Variants in SAMD4A observed in about 807,000 individuals in gnomAD.
SAMD4A encodes sterile alpha motif domain containing 4A.
A neutral mutation model predicts 81.3 loss-of-function variants in SAMD4A; 33 were observed. That is an observed-to-expected ratio of 0.41 (90% CI 0.31 to 0.54). SAMD4A has a LOEUF of 0.54. Ranked by LOEUF, SAMD4A falls within the 20% of genes least tolerant of loss-of-function variation. The pLI, the probability that SAMD4A is intolerant of heterozygous loss-of-function variation, is 0.37. For synonymous variants in SAMD4A, 389 were observed against 382.1 expected (o/e 1.02, Z -0.21); for missense variants, 854 against 951.1 (o/e 0.90, Z 1.34).
At chr14:54,677,398 C>T (rs1345172559) in intron 2 of SAMD4A, among the ~76,000 whole-genome samples, 2 of 152,176 alleles carry the variant, frequency 1.3e-5, no homozygotes, top group East Asian at 1.9e-4. Flanking sequence ...AACTCCTCCA[C>T]GCACATAGTA....
rs559616432 is a variant in SAMD4A at position 54,780,644 on chromosome 14, A to G, written c.2045-3893A>G. Among the ~76,000 whole-genome samples, 57 of 152,350 alleles carry G rather than the reference A, an allele frequency of 3.7e-4. No homozygotes were observed. In the Middle Eastern group the frequency reaches 0.01, roughly 27 times the overall value. On this transcript the variant is annotated intron_variant, in intron 11 of 12. Transcript: ENST00000554335. ...AAATAAATCAATTCTGTCATAGCCA[A>G]GAACCCAGCTGGGCCCACAGCCTCC...
intron 2 of SAMD4A, among the ~76,000 whole-genome samples, chr14:54,677,675 T>A (rs866796322): frequency 1.4e-4 from 22 of 152,352 alleles, no homozygotes; most frequent in Admixed American, 2.0e-4. Flanking sequence ...GTTTGCTTGA[T>A]GAAATGAAGA....
chr14:54,587,677 G>A (rs1211217081), intron 2 of SAMD4A, among the ~76,000 whole-genome samples: 1 of 152,124 alleles, frequency 6.6e-6, no homozygotes, highest in Non-Finnish European at 1.5e-5. Context: ...CTGCTTATGT[G>A]GTATATCACA....
At chr14:54,668,525 G>GC (rs1244235236) in intron 2 of SAMD4A, among the ~76,000 whole-genome samples, 1 of 152,180 alleles carries the variant, frequency 6.6e-6, no homozygotes, top group African/African-American at 2.4e-5. Flanking sequence ...TTCCCCAAAT[G>GC]CCAGACTGGT....
intron 2 of SAMD4A, among the ~76,000 whole-genome samples, chr14:54,618,408 A>C (rs1259093990): frequency 1.3e-5 from 2 of 152,184 alleles, no homozygotes; most frequent in Non-Finnish European, 2.9e-5. Flanking sequence ...GAGATAATAA[A>C]TTTACAGTTC....
chr14:54,702,654 G>A (rs2036749495), intron 3 of SAMD4A, 74 bp downstream of exon 3: 1 of 1,522,386 alleles, frequency 6.6e-7, no homozygotes, highest in Admixed American at 1.7e-5. Flanking sequence ...CCTGCTGACA[G>A]TGTCTGCTCC....
At position 54,792,400 on chromosome 14, in the gene SAMD4A, CT is replaced by C. The variant is rs1463527862; in HGVS notation, c.*3458del. 6.6e-6 allele frequency: 1 copy of C among 152,222 alleles called. No individual in the cohort carries two copies. The highest frequency in any genetic ancestry group is 2.4e-5 in the African/African-American group (1 of 41,440). The allele number at this position is 152,222 out of a possible 1,614,324, so 9.4% of individuals were successfully genotyped here. On this transcript the variant is annotated 3_prime_UTR_variant, in exon 13 of 13. Transcript: ENST00000554335. ...TGGCTGCCTTTTACGGGATGGGAGC[CT>C]TCTCCGGATCTTTTGTTCTTCTGCA...
rs187119563 is a variant in SAMD4A, at chr14:54,729,694, A to G, written c.716-7330A>G. Among the ~76,000 whole-genome samples the G allele has an allele frequency of 1.4e-3, 217 of 152,368 alleles. 1 individual carries two copies. Among genetic ancestry groups the G allele is most frequent in the African/African-American group, 5.0e-3 (207 of 41,594 alleles). ...TTAACCCAGTATGAAGGAGACTTCA[A>G]AATAGCCAGGTTGATCCCATCGTTT... On this transcript the variant is annotated intron_variant, in intron 3 of 12. Coordinates refer to ENST00000554335, the MANE Select transcript of SAMD4A (RefSeq NM_015589.6).
intron 2 of SAMD4A, among the ~76,000 whole-genome samples, chr14:54,591,527 GT>G (rs55702356): frequency 0.55 from 80,469 of 147,124 alleles, 22,209 homozygotes; most frequent in African/African-American, 0.69. Flanking sequence ...CCTGTATTTT[GT>G]TTTTTTTTTT....
chr14:54,583,530 ACCTGTAGTTGGATATGATCTCCTTAT>A (rs1239552726), intron 2 of SAMD4A, among the ~76,000 whole-genome samples: 1 of 152,190 alleles, frequency 6.6e-6, no homozygotes, highest in Non-Finnish European at 1.5e-5. Flanking sequence ...TTGGGACATT[ACCTGTAGTTGGATATGATCTCCTTAT>A]CCTTCTCCCT....
chr14:54,697,178 A>T (rs1173083535), intron 2 of SAMD4A, among the ~76,000 whole-genome samples: 1 of 152,180 alleles, frequency 6.6e-6, no homozygotes, highest in Non-Finnish European at 1.5e-5. Context: ...CTTCCGTTTG[A>T]AGGTAGAGAT....
At chr14:54,607,902 G>T (rs891361991) in intron 2 of SAMD4A, among the ~76,000 whole-genome samples, 2 of 151,174 alleles carry the variant, frequency 1.3e-5, no homozygotes, top group Non-Finnish European at 2.9e-5. Context: ...TCTAATCCCC[G>T]CTACTCGGGA....
At chr14:54,728,779 C>A (rs561546795) in intron 3 of SAMD4A, among the ~76,000 whole-genome samples, 1 of 152,244 alleles carries the variant, frequency 6.6e-6, no homozygotes, top group South Asian at 2.1e-4. Context: ...GAAAAAAATA[C>A]TGTTTGATCA....
chr14:54,718,375 A>G (rs916261943), intron 3 of SAMD4A, among the ~76,000 whole-genome samples: 3 of 152,342 alleles, frequency 2.0e-5, no homozygotes, highest in Non-Finnish European at 1.5e-5. Context: ...GAAAGAAAGG[A>G]TATGTTCCTC....
intron 2 of SAMD4A, among the ~76,000 whole-genome samples, chr14:54,679,166 G>A (rs1051617770): frequency 1.3e-5 from 2 of 152,298 alleles, no homozygotes; most frequent in African/African-American, 4.8e-5. Flanking sequence ...ATAGCAGGAG[G>A]TCAAATATTT....
rs1311416081 is a variant in SAMD4A at position 54,724,003 on chromosome 14, T to TGGAAGGAAGGAAGGAAGGAAGGAAGGAA, written c.716-13018_716-13017insAGGAAGGAAGGAAGGAAGGAAGGAAGGA. 2.6e-3 allele frequency among the ~76,000 whole-genome samples: 145 copies of TGGAAGGAAGGAAGGAAGGAAGGAAGGAA among 56,448 alleles called. 1 individual carries two copies. The highest frequency in any genetic ancestry group is 6.2e-3 in the East Asian group (9 of 1,462). The allele number at this position is 56,448 out of a possible 152,430, so 37.0% of individuals were successfully genotyped here. On this transcript the variant is annotated intron_variant, in intron 3 of 12. Coordinates refer to ENST00000554335, the MANE Select transcript of SAMD4A (RefSeq NM_015589.6). ...GCTCAGCAAATATTGGATGGATGGA[T>TGGAAGGAAGGAAGGAAGGAAGGAAGGAA]GGATGGAAGGAAGGAAGGAAGGAAG...
chr14:54,709,920 G>A (rs1161450269), intron 3 of SAMD4A, among the ~76,000 whole-genome samples: 1 of 152,226 alleles, frequency 6.6e-6, no homozygotes, highest in Non-Finnish European at 1.5e-5. Context: ...GTGGTTGTCA[G>A]TGCTACCTCA....
At chr14:54,638,704 C>T (rs765096991) in intron 2 of SAMD4A, among the ~76,000 whole-genome samples, 1 of 152,150 alleles carries the variant, frequency 6.6e-6, no homozygotes, top group Non-Finnish European at 1.5e-5. Flanking sequence ...AGTCGTTTAT[C>T]ATGTTGTTTC....
intron 2 of SAMD4A, among the ~76,000 whole-genome samples, chr14:54,601,322 C>T (rs1175520572): frequency 6.6e-6 from 1 of 152,060 alleles, no homozygotes; most frequent in Non-Finnish European, 1.5e-5. Flanking sequence ...TTCAACTATC[C>T]TGCTCTTGTG....
Sources: gnomAD v4.1 joint callset for allele counts (sites outside exome capture counted in the v4.1 genomes callset) on GRCh38, gnomAD v4.1.1 for gene constraint, MANE v1.5 for transcripts, NCBI Gene and HGNC (gene_info 2026-07-23, HGNC 2026-07-21) for gene names.